Variants in TMEM178B observed in about 807,000 individuals in gnomAD.
TMEM178B encodes the protein transmembrane protein 178B.
TMEM178B carries 5 observed loss-of-function variants against 31.0 expected under a neutral mutation model. The ratio of observed to expected loss-of-function variants is 0.16; its 90% confidence interval spans 0.08 to 0.34. The LOEUF (loss-of-function observed/expected upper bound fraction) is 0.34. Among genes scored for constraint, TMEM178B ranks in the 10% least tolerant of loss-of-function variants. The probability of loss-of-function intolerance (pLI) is 1.00; values close to 1 mark genes in which losing one functional copy is unlikely to be tolerated. For synonymous variants in TMEM178B, 164 were observed against 164.0 expected (o/e 1.00, Z 0.00); for missense variants, 275 against 400.3 (o/e 0.69, Z 2.67).
rs183527796 is a variant in TMEM178B, at chr7:141,326,433, A to G, written c.497-111175A>G. On this transcript the variant is annotated intron_variant, in intron 2 of 3. Coordinates refer to ENST00000565468, the MANE Select transcript of TMEM178B (RefSeq NM_001195278.2). ...ATAATACAGAGGTATTCTGATAAAT[A>G]AAGATACTGGTATGTGATGGACATG... is the stretch of plus-strand genomic sequence containing the variant. Among the ~76,000 whole-genome samples the G allele has an allele frequency of 3.7e-3, 562 of 152,336 alleles. 5 individuals carry two copies. The highest frequency in any genetic ancestry group is 0.013 in the African/African-American group (530 of 41,570).
At chr7:141,273,658 C>T (rs1281757608) in intron 2 of TMEM178B, among the ~76,000 whole-genome samples, 2 of 151,930 alleles carry the variant, frequency 1.3e-5, no homozygotes, top group African/African-American at 2.4e-5. Context: ...ATTATGACTG[C>T]GGAGAGAGTG....
chr7:141,219,733 A>G (rs1302716800), intron 2 of TMEM178B, among the ~76,000 whole-genome samples: 2 of 152,166 alleles, frequency 1.3e-5, no homozygotes, highest in Non-Finnish European at 2.9e-5. Flanking sequence ...CAGGCAGAGA[A>G]CACAAACCCC....
chr7:141,395,282 T>C (rs1348252524), intron 2 of TMEM178B, among the ~76,000 whole-genome samples: 1 of 151,938 alleles, frequency 6.6e-6, no homozygotes, highest in African/African-American at 2.4e-5. Flanking sequence ...CTACAAAAAA[T>C]ACAAAAAAAT....
At position 141,212,698 on chromosome 7, in the gene TMEM178B, G is replaced by A; in HGVS notation, c.490G>A (p.Ala164Thr). ...TKTIRQDEWH[A>T]LHLRRMTAGF... ...GACCATCCGTCAGGATGAGTGGCATGCCCTACGTAAGTGCACCTGAGTCTC... is the reference window on the plus strand; with the variant it reads ...GACCATCCGTCAGGATGAGTGGCATACCCTACGTAAGTGCACCTGAGTCTC... The change falls in exon 2 of 4, where the codon GCC becomes ACC. Residue 164 changes from alanine (A) to threonine (T), a missense_variant. Physicochemically the swap from Ala to Thr is moderately conservative, Grantham distance 58 (BLOSUM62 0). Transcript: ENST00000565468. 1.3e-6 allele frequency: 2 copies of A among 1,535,872 alleles called. No homozygotes were observed. Among genetic ancestry groups the A allele is most frequent in the South Asian group, 1.2e-5 (1 of 84,050 alleles).
At chr7:141,338,136 C>A (rs570420929) in intron 2 of TMEM178B, among the ~76,000 whole-genome samples, 4 of 151,950 alleles carry the variant, frequency 2.6e-5, no homozygotes, top group Admixed American at 2.6e-4. Flanking sequence ...CGTGCCCGGC[C>A]GATTTGATAT....
At chr7:141,287,433 C>T (rs929756657) in intron 2 of TMEM178B, among the ~76,000 whole-genome samples, 1 of 152,134 alleles carries the variant, frequency 6.6e-6, no homozygotes, top group African/African-American at 2.4e-5. Flanking sequence ...AACCCTCAAC[C>T]CTTTTTGGAA....
chr7:141,233,492 T>C (rs539595061), intron 2 of TMEM178B, among the ~76,000 whole-genome samples: 2 of 152,332 alleles, frequency 1.3e-5, no homozygotes, highest in East Asian at 3.9e-4. Flanking sequence ...CCGTAAGCTC[T>C]TCTTCTATTT....
At chr7:141,181,335 A>G (rs1796527046) in intron 1 of TMEM178B, among the ~76,000 whole-genome samples, 1 of 152,260 alleles carries the variant, frequency 6.6e-6, no homozygotes. Flanking sequence ...GTAATATACA[A>G]TACAGGATGA....
At chr7:141,208,062 A>C (rs980609238) in intron 1 of TMEM178B, among the ~76,000 whole-genome samples, 3 of 152,104 alleles carry the variant, frequency 2.0e-5, no homozygotes, top group African/African-American at 7.2e-5. Flanking sequence ...ACATGGTGGC[A>C]TGTGCCTGTA....
chr7:141,213,911 G>A (rs991306919), intron 2 of TMEM178B, among the ~76,000 whole-genome samples: 1 of 152,182 alleles, frequency 6.6e-6, no homozygotes, highest in African/African-American at 2.4e-5. Context: ...AGCATTCACC[G>A]GGCTGTTTCC....
At chr7:141,232,334 A>T (rs1797461429) in intron 2 of TMEM178B, among the ~76,000 whole-genome samples, 1 of 152,076 alleles carries the variant, frequency 6.6e-6, no homozygotes, top group Admixed American at 6.5e-5. Flanking sequence ...TAGTAATGTG[A>T]TTGTTGGGTC....
chr7:141,490,522 C>T, the TMEM178B span, among the ~76,000 whole-genome samples: 1 of 152,206 alleles, frequency 6.6e-6, no homozygotes, highest in Non-Finnish European at 1.5e-5. Context: ...TCCCTCACAG[C>T]CTCAGGGGGA....
rs1262103489 is a variant in TMEM178B, at chr7:141,474,907, A to G, written c.*4121A>G. On this transcript the variant is annotated 3_prime_UTR_variant, in exon 4 of 4. Transcript: ENST00000565468. The stretch of plus-strand genomic sequence containing the variant: ...CTCTCTTCACCTGGATTATGTGCTG[A>G]GTGTTAAGTGATTTTTCAAATATCT... 1 of 152,128 alleles carries G rather than the reference A, an allele frequency of 6.6e-6. No homozygotes were observed. The highest frequency in any genetic ancestry group is 2.1e-4 in the South Asian group (1 of 4,820). 9.4% of individuals were successfully genotyped at this position (152,128 alleles called of 1,614,324 possible). A position where few individuals can be genotyped will look rare whatever the true frequency, so the allele number is the denominator to read the frequency against.
intron 2 of TMEM178B, among the ~76,000 whole-genome samples, chr7:141,350,673 C>A (rs1354817562): frequency 6.6e-6 from 1 of 151,992 alleles, no homozygotes; most frequent in Non-Finnish European, 1.5e-5. Context: ...TATATGTTTA[C>A]CAGGTTAAAT....
intron 2 of TMEM178B, chr7:141,352,345 C>G (rs1377029207): frequency 1.3e-5 from 2 of 152,176 alleles, no homozygotes; most frequent in African/African-American, 4.8e-5. Context: ...CCAAGGCATG[C>G]CAGGACCGCT....
intron 2 of TMEM178B, among the ~76,000 whole-genome samples, chr7:141,369,027 C>T (rs1283221940): frequency 6.6e-6 from 1 of 150,528 alleles, no homozygotes; most frequent in African/African-American, 2.4e-5. Context: ...AAGTATGGGG[C>T]TCTTGCTCAC....
intron 1 of TMEM178B, among the ~76,000 whole-genome samples, chr7:141,182,586 G>T (rs1191218461): frequency 6.6e-6 from 1 of 152,182 alleles, no homozygotes; most frequent in Non-Finnish European, 1.5e-5. Flanking sequence ...ATTAGTAAGG[G>T]AAACAGAAGA....
At chr7:141,436,700 G>A (rs550845033) in intron 2 of TMEM178B, among the ~76,000 whole-genome samples, 6 of 152,166 alleles carry the variant, frequency 3.9e-5, no homozygotes, top group African/African-American at 7.2e-5. Flanking sequence ...CTGCCTCTGC[G>A]TGCAGGAGGG....
chr7:141,079,671 C>A (rs148621105), intron 1 of TMEM178B, among the ~76,000 whole-genome samples: 27 of 152,298 alleles, frequency 1.8e-4, no homozygotes, highest in Non-Finnish European at 3.5e-4. Flanking sequence ...TTCCCTCCTG[C>A]CCTCTCCATC....
Sources: allele counts gnomAD v4.1 joint callset (sites outside exome capture counted in the v4.1 genomes callset), GRCh38; gene constraint gnomAD v4.1.1; transcripts MANE v1.5; gene names NCBI Gene and HGNC (gene_info 2026-07-23, HGNC 2026-07-21).